Variants in DEFB124 observed in about 807,000 individuals in gnomAD.
DEFB124 encodes beta-defensin 124.
For synonymous variants in DEFB124, 38 were observed against 36.5 expected, an observed-to-expected ratio of 1.04 and a Z score of -0.15; for missense variants, 78 against 83.1, an observed-to-expected ratio of 0.94 and a Z score of 0.24.
intron 2 of DEFB124, among the ~76,000 whole-genome samples, chr20:31,466,916 T>C (rs1017022516): frequency 4.6e-5 from 7 of 152,024 alleles, no homozygotes; most frequent in African/African-American, 7.3e-5. Flanking sequence ...CAATGAACAA[T>C]ACAGCCATGG....
intron 2 of DEFB124, among the ~76,000 whole-genome samples, chr20:31,471,811 C>G (rs1183973896): frequency 2.0e-5 from 3 of 148,508 alleles, no homozygotes; most frequent in African/African-American, 7.5e-5. Flanking sequence ...GATGGGCGGC[C>G]GGGCAGAGAC....
chr20:31,472,921 A>G (rs746042066), intron 2 of DEFB124, 35 bp downstream of exon 2: 18 of 1,549,372 alleles, frequency 1.2e-5, no homozygotes, highest in Admixed American at 1.8e-5. Flanking sequence ...ACATGTGCAC[A>G]CACACACACA....
intron 1 of DEFB124, among the ~76,000 whole-genome samples, 166 bp from the exon 2 acceptor site, chr20:31,473,204 G>A (rs1980382119): frequency 6.6e-6 from 1 of 152,170 alleles, no homozygotes; most frequent in Non-Finnish European, 1.5e-5. Context: ...AGCTACGTGG[G>A]AACTGGTCAG....
rs916343450 is a variant in DEFB124, at chr20:31,472,367, C to G, written c.58+589G>C. 4.7e-5 allele frequency among the ~76,000 whole-genome samples: 7 copies of G among 148,896 alleles called. No homozygotes were observed. The South Asian group carries it at 1.5e-3, about 32-fold the overall frequency. On this transcript the variant is annotated intron_variant, in intron 2 of 2. Coordinates refer to ENST00000317676, the MANE Select transcript of DEFB124 (RefSeq NM_001037500.2). ...AGATGGCAGCAGTACAGTCCAGCTT[C>G]GGCTCGGCATCAGAGGGAGACAGTG... is the stretch of plus-strand genomic sequence containing the variant.
chr20:31,474,755 A>G lies in DEFB124; in HGVS notation c.-154T>C, dbSNP rs565135049. ...ATGATGCCAAAATAAGATTTTCATA[A>G]TTCTTCAGTGCAGACTTCCTGAGCT... On this transcript the variant is annotated 5_prime_UTR_variant, in exon 1 of 3. Transcript: ENST00000317676. Among the ~76,000 whole-genome samples the G allele has an allele frequency of 6.6e-6, 1 of 152,228 alleles. No individual in the cohort carries two copies. Among genetic ancestry groups the G allele is most frequent in the East Asian group, 1.9e-4 (1 of 5,178 alleles).
rs1980307975 is a variant in DEFB124 at position 31,471,528 on chromosome 20, G to GC, written c.58+1427dup. On this transcript the variant is annotated intron_variant, in intron 2 of 2. Coordinates refer to ENST00000317676, the MANE Select transcript of DEFB124 (RefSeq NM_001037500.2). ...ACCTCCCTCCCGGACGGGGCGGCTG[G>GC]CCGGGCAGGAGGCTGATCCCCCCAC... 2.1e-5 allele frequency among the ~76,000 whole-genome samples: 3 copies of GC among 145,384 alleles called. No individual in the cohort carries two copies. The South Asian group carries it at 6.5e-4, about 31-fold the overall frequency.
chr20:31,472,341 G>A (rs992297288), intron 2 of DEFB124, among the ~76,000 whole-genome samples: 6 of 151,832 alleles, frequency 4.0e-5, no homozygotes, highest in African/African-American at 1.2e-4. Flanking sequence ...GCAGTGAGCC[G>A]AGATGGCAGC....
chr20:31,474,814 T>G lies in DEFB124; in HGVS notation c.-213A>C, dbSNP rs1432827544. ...CTCCAAGCCACCTCCCAAAATTAAT[T>G]CTTCATCCAGAGCAGAGTTTCTTAA... On this transcript the variant is annotated 5_prime_UTR_variant, in exon 1 of 3. Coordinates refer to ENST00000317676, the MANE Select transcript of DEFB124 (RefSeq NM_001037500.2). 6.6e-6 allele frequency among the ~76,000 whole-genome samples: 1 copy of G among 152,112 alleles called. No homozygotes were observed.
At chr20:31,473,095 C>G in intron 1 of DEFB124, 57 bp from the exon 2 acceptor site, 1 of 1,517,762 alleles carries the variant, frequency 6.6e-7, no homozygotes, top group Non-Finnish European at 9.0e-7. Context: ...GCTTCCAGCC[C>G]AGGCTTTATT....
intron 2 of DEFB124, 87 bp from the exon 3 acceptor site, chr20:31,465,750 A>G (rs1441274940): frequency 6.7e-7 from 1 of 1,485,030 alleles, no homozygotes; most frequent in Non-Finnish European, 9.2e-7. Context: ...AGATTCACTA[A>G]CACTGGTCAC....
At position 31,465,656 on chromosome 20, in the gene DEFB124, A is replaced by G; in HGVS notation, c.66T>C (p.Ser22=). The G allele has an allele frequency of 6.2e-7, 1 of 1,613,564 alleles. No individual in the cohort carries two copies. Residue 22 remains serine (S), a synonymous_variant, in exon 3 of 3, where the codon AGT becomes AGC. Transcript: ENST00000317676. ...LVLGHVPSGR[S]EFKRCWKGQG... Reference sequence around the variant, plus strand: ...GACCCTTCCAGCACCGTTTGAATTCACTTCTCCCTAAACAGAGGAAAACCA... The same window carrying G: ...GACCCTTCCAGCACCGTTTGAATTCGCTTCTCCCTAAACAGAGGAAAACCA...
At chr20:31,470,607 C>G (rs1176367626) in intron 2 of DEFB124, among the ~76,000 whole-genome samples, 1 of 21,648 alleles carries the variant, frequency 4.6e-5, no homozygotes. Flanking sequence ...GGGGGGCTGA[C>G]CCCCCCCCCC....
intron 2 of DEFB124, among the ~76,000 whole-genome samples, chr20:31,471,211 G>A (rs1476952890): frequency 2.8e-5 from 4 of 140,428 alleles, no homozygotes; most frequent in Admixed American, 2.8e-4. Context: ...CCTCCCGGAC[G>A]GGGTGGCTAG....
chr20:31,473,147 T>A, intron 1 of DEFB124, 109 bp from the exon 2 acceptor site: 1 of 977,704 alleles, frequency 1.0e-6, no homozygotes, highest in Non-Finnish European at 1.5e-6. Context: ...CAGGCCTAAG[T>A]GGGAGTATGA....
chr20:31,473,132 G>A, intron 1 of DEFB124, 94 bp from the exon 2 acceptor site: 2 of 1,159,844 alleles, frequency 1.7e-6, no homozygotes, highest in Admixed American at 2.2e-5. Flanking sequence ...CAGTGCTGTG[G>A]GCAGCAGGCC....
At chr20:31,471,811 CG>C in intron 2 of DEFB124, among the ~76,000 whole-genome samples, 1 of 148,614 alleles carries the variant, frequency 6.7e-6, no homozygotes, top group South Asian at 2.1e-4. Context: ...GATGGGCGGC[CG>C]GGCAGAGACG....
chr20:31,466,547 C>T (rs1980086851), intron 2 of DEFB124, among the ~76,000 whole-genome samples: 1 of 149,792 alleles, frequency 6.7e-6, no homozygotes, highest in South Asian at 2.1e-4. Context: ...CTGCAGTGAG[C>T]CAAGTTCGTG....
At chr20:31,468,544 C>T (rs368715430) in intron 2 of DEFB124, among the ~76,000 whole-genome samples, 1 of 151,680 alleles carries the variant, frequency 6.6e-6, no homozygotes, top group African/African-American at 2.4e-5. Context: ...GGCGCAATCA[C>T]GGCTCACTGC....
In DEFB124 at chr20:31,472,170, G is replaced by T. The variant is rs1195518770; in HGVS notation, c.58+786C>A. 1.3e-4 allele frequency among the ~76,000 whole-genome samples: 20 copies of T among 151,836 alleles called. 1 individual carries two copies. The highest frequency in any genetic ancestry group is 2.4e-5 in the African/African-American group (1 of 41,560). On this transcript the variant is annotated intron_variant, in intron 2 of 2. Transcript: ENST00000317676. ...AATCCCGGCACCTCGGGAGGCCGAGGCTGGCGGATCACTCGCGGTTAGGAG... is the reference window on the plus strand; with the variant it reads ...AATCCCGGCACCTCGGGAGGCCGAGTCTGGCGGATCACTCGCGGTTAGGAG...
Sources: gnomAD v4.1 joint callset for allele counts (sites outside exome capture counted in the v4.1 genomes callset) on GRCh38, gnomAD v4.1.1 for gene constraint, MANE v1.5 for transcripts, NCBI Gene and HGNC (gene_info 2026-07-23, HGNC 2026-07-21) for gene names.